COMMD1: variants seen among roughly 807,000 people sequenced by gnomAD.
The protein encoded by COMMD1 is copper metabolism domain containing 1, also known as COMM domain-containing protein 1.
A neutral mutation model predicts 17.2 loss-of-function variants in COMMD1; 10 were observed. The observed-to-expected ratio is 0.58, with a 90% CI of 0.36 to 0.99. The LOEUF is 0.99. Ranked by LOEUF, COMMD1 falls within the 50% of genes least tolerant of loss-of-function variation. The pLI is 0.01. For missense variants in COMMD1, 270 were observed against 231.8 expected, an observed-to-expected ratio of 1.17 and a Z score of -1.07; for synonymous variants, 97 against 91.6, an observed-to-expected ratio of 1.06 and a Z score of -0.34.
rs1213239731 is a variant in COMMD1 at position 61,979,787 on chromosome 2, G to A, written c.181-20914G>A. On this transcript the variant is annotated intron_variant, in intron 1 of 2. Transcript: ENST00000311832. ...TTATACTCTAAGTTTTAGGGTACAT[G>A]TGCACATTGTGCAGGTTAGTTACAT... Among the ~76,000 whole-genome samples the A allele has an allele frequency of 2.0e-5, 3 of 147,766 alleles. No individual in the cohort carries two copies. The East Asian group carries it at 6.0e-4, about 30-fold the overall frequency.
At chr2:62,132,295 A>G (rs1182985456) in intron 2 of COMMD1, among the ~76,000 whole-genome samples, 2 of 152,234 alleles carry the variant, frequency 1.3e-5, no homozygotes, top group South Asian at 4.1e-4. Flanking sequence ...CCTGAAACCT[A>G]CAACAAACTA....
At chr2:61,990,590 A>G (rs1672220611) in intron 1 of COMMD1, among the ~76,000 whole-genome samples, 1 of 152,172 alleles carries the variant, frequency 6.6e-6, no homozygotes, top group Non-Finnish European at 1.5e-5. Context: ...AAAGAGGTTT[A>G]TTTGACTTAC....
At chr2:61,958,967 C>T (rs989751886) in intron 1 of COMMD1, among the ~76,000 whole-genome samples, 1 of 152,038 alleles carries the variant, frequency 6.6e-6, no homozygotes, top group Non-Finnish European at 1.5e-5. Flanking sequence ...GATTAAAGGC[C>T]GCGAACACTG....
intron 2 of COMMD1, among the ~76,000 whole-genome samples, chr2:62,067,815 G>C (rs1404372775): frequency 2.0e-5 from 3 of 152,154 alleles, no homozygotes; most frequent in African/African-American, 7.2e-5. Context: ...AGAGAGATCA[G>C]AGACCTTTCT....
chr2:61,941,101 C>T (rs1388753364), intron 1 of COMMD1, among the ~76,000 whole-genome samples: 1 of 151,820 alleles, frequency 6.6e-6, no homozygotes, highest in South Asian at 2.1e-4. Flanking sequence ...GATCTTGGCT[C>T]ACTGCAACCT....
rs1344280859 is a variant in COMMD1 at position 62,073,768 on chromosome 2, G to A, written c.463-62063G>A. On this transcript the variant is annotated intron_variant, in intron 2 of 2. Coordinates refer to ENST00000311832, the MANE Select transcript of COMMD1 (RefSeq NM_152516.4). Reference sequence around the variant, plus strand: ...GGCTGGAGTGCAGTGGTGCGATCTCGGCTCACTGCAACCTCTGCTTCCTGG... The same window carrying A: ...GGCTGGAGTGCAGTGGTGCGATCTCAGCTCACTGCAACCTCTGCTTCCTGG... Among the ~76,000 whole-genome samples, 5 of 151,966 alleles carry A rather than the reference G, an allele frequency of 3.3e-5. No individual in the cohort carries two copies. The South Asian group carries it at 6.2e-4, about 19-fold the overall frequency.
chr2:62,106,143 A>C (rs1470522236), intron 2 of COMMD1, among the ~76,000 whole-genome samples: 1 of 152,260 alleles, frequency 6.6e-6, no homozygotes, highest in Non-Finnish European at 1.5e-5. Context: ...TATTACAGGC[A>C]TAAGCCATTG....
chr2:62,117,801 G>C (rs1404291071), intron 2 of COMMD1, among the ~76,000 whole-genome samples: 1 of 152,110 alleles, frequency 6.6e-6, no homozygotes, highest in African/African-American at 2.4e-5. Context: ...TCCTACTTCT[G>C]TCTTCCATGC....
At chr2:61,993,840 A>G (rs149580657) in intron 1 of COMMD1, among the ~76,000 whole-genome samples, 52 of 152,342 alleles carry the variant, frequency 3.4e-4, no homozygotes, top group Admixed American at 6.5e-4. Flanking sequence ...ATCAGAATGG[A>G]TATCTCTTGA....
intron 1 of COMMD1, among the ~76,000 whole-genome samples, chr2:61,911,007 C>T (rs764880651): frequency 4.6e-5 from 7 of 151,490 alleles, no homozygotes; most frequent in South Asian, 2.1e-4. Flanking sequence ...CACTTGAACC[C>T]GGGAGGCGGA....
rs182264128 is a variant in COMMD1, at chr2:61,915,306, C to T, written c.180+9448C>T. Among the ~76,000 whole-genome samples the T allele has an allele frequency of 1.6e-4, 24 of 151,590 alleles. 1 individual carries two copies. Among genetic ancestry groups the T allele is most frequent in the East Asian group, 9.7e-4 (5 of 5,152 alleles). On this transcript the variant is annotated intron_variant, in intron 1 of 2. Coordinates refer to ENST00000311832, the MANE Select transcript of COMMD1 (RefSeq NM_152516.4). ...CATGCGTGAGCCACTGCACCCAGCC[C>T]GGATTATTTTATCTCTTTTTTTCTA...
intron 1 of COMMD1, among the ~76,000 whole-genome samples, chr2:61,937,911 GT>G (rs1179635899): frequency 3.3e-5 from 5 of 152,076 alleles, no homozygotes; most frequent in African/African-American, 4.8e-5. Flanking sequence ...GATTTGGAGG[GT>G]CTGACCTTGA....
intron 2 of COMMD1, among the ~76,000 whole-genome samples, chr2:62,101,651 A>G (rs1299584801): frequency 6.6e-6 from 1 of 151,844 alleles, no homozygotes; most frequent in Non-Finnish European, 1.5e-5. Context: ...CAGGTTACCC[A>G]CACTTATATC....
rs542283243 is a variant in COMMD1, at chr2:61,908,846, C to A, written c.180+2988C>A. Among the ~76,000 whole-genome samples the A allele has an allele frequency of 2.6e-5, 4 of 152,234 alleles. No individual in the cohort carries two copies. The East Asian group carries it at 7.7e-4, about 29-fold the overall frequency. ...CCTCCCAAAGTGCTGGGATTACAGG[C>A]GTGAGCCACTGAGCCCTGCCAAATT... On this transcript the variant is annotated intron_variant, in intron 1 of 2. Transcript: ENST00000311832.
At chr2:62,024,309 C>T (rs983950779) in intron 2 of COMMD1, among the ~76,000 whole-genome samples, 5 of 151,980 alleles carry the variant, frequency 3.3e-5, no homozygotes, top group South Asian at 2.1e-4. Context: ...CTCTGCCTCC[C>T]GGGTTCAAGC....
At chr2:61,952,075 G>T (rs535108615) in intron 1 of COMMD1, among the ~76,000 whole-genome samples, 348 of 152,320 alleles carry the variant, frequency 2.3e-3, no homozygotes, top group Non-Finnish European at 3.7e-3. Flanking sequence ...GACGGTAAAA[G>T]AAGTTTGACA....
chr2:61,973,039 T>C (rs1671696046), intron 1 of COMMD1, among the ~76,000 whole-genome samples: 1 of 152,150 alleles, frequency 6.6e-6, no homozygotes, highest in African/African-American at 2.4e-5. Flanking sequence ...TGCAATTTGC[T>C]TTTTTTGTTA....
intron 2 of COMMD1, among the ~76,000 whole-genome samples, chr2:62,029,371 C>A (rs981478894): frequency 3.3e-5 from 5 of 151,410 alleles, no homozygotes; most frequent in African/African-American, 1.2e-4. Context: ...TTTTTTTACC[C>A]CCTTTAAAAT....
chr2:62,041,630 A>T (rs992647453), intron 2 of COMMD1, among the ~76,000 whole-genome samples: 2 of 152,182 alleles, frequency 1.3e-5, no homozygotes, highest in African/African-American at 4.8e-5. Context: ...AGCTCAAGCC[A>T]TCTGCCTCCC....
Sources: allele counts gnomAD v4.1 joint callset (sites outside exome capture counted in the v4.1 genomes callset), GRCh38; gene constraint gnomAD v4.1.1; transcripts MANE v1.5; gene names NCBI Gene and HGNC (gene_info 2026-07-23, HGNC 2026-07-21).